KCNC3: variants seen among roughly 807,000 people sequenced by gnomAD.
The protein encoded by KCNC3 is voltage-gated potassium channel KCNC3.
In KCNC3, 22 loss-of-function variants were observed where a neutral mutation model predicts 43.9. The observed-to-expected ratio is 0.50, with a 90% CI of 0.36 to 0.72. The LOEUF is 0.72. Among genes scored for constraint, KCNC3 ranks in the 30% least tolerant of loss-of-function variants. KCNC3 has a pLI of 0.00. For synonymous variants in KCNC3, 492 were observed against 488.0 expected, an observed-to-expected ratio of 1.01 and a Z score of -0.11; for missense variants, 829 against 1,073.8, an observed-to-expected ratio of 0.77 and a Z score of 3.19.
intron 2 of KCNC3, among the ~76,000 whole-genome samples, chr19:50,322,022 C>T (rs1405715682): frequency 1.3e-5 from 2 of 151,856 alleles, no homozygotes; most frequent in Non-Finnish European, 2.9e-5. Context: ...GGAGGTGGGA[C>T]GTGGGGGTCC....
chr19:50,326,924 G>GT lies in KCNC3; in HGVS notation c.870+1288_870+1289insA, dbSNP rs925716152. Among the ~76,000 whole-genome samples, 160 of 146,892 alleles carry GT rather than the reference G, an allele frequency of 1.1e-3. 2 individuals are homozygous for GT. Among genetic ancestry groups the GT allele is most frequent in the African/African-American group, 3.6e-3 (133 of 36,998 alleles). On this transcript the variant is annotated intron_variant, in intron 1 of 4. Transcript: ENST00000477616. ...GCTAGGTTCTGGGTTTTGCACGGCG[G>GT]GGGGGGAGGTTCGAGAAAGGAAGAG...
At chr19:50,322,029 G>T (rs2037040717) in intron 2 of KCNC3, among the ~76,000 whole-genome samples, 1 of 152,004 alleles carries the variant, frequency 6.6e-6, no homozygotes, top group African/African-American at 2.4e-5. Context: ...GGACGTGGGG[G>T]TCCCCTAGGC....
In KCNC3 at chr19:50,328,431, C is replaced by G. The variant is rs977873360; in HGVS notation, c.652G>C (p.Gly218Arg). 2 of 1,548,488 alleles carry G rather than the reference C, an allele frequency of 1.3e-6. No individual in the cohort carries two copies. Among genetic ancestry groups the G allele is most frequent in the Non-Finnish European group, 1.7e-6 (2 of 1,150,862 alleles). The change falls in exon 1 of 5, where the codon GGC becomes CGC. Residue 218 changes from glycine to arginine, a missense_variant. This residue lies in a region of KCNC3 where 121 missense variants were observed against 247.4 expected (regional missense o/e 0.49). Transcript: ENST00000477616. ...TCGTCCAGGCCTCCGTCGTGGGCGC[C>G]TGCGGCGTTGGCGGCGTTGGCGGCG... ...AGAANAANAAGAHDGGLDDEA... is the reference protein window; with the variant it reads ...AGAANAANAARAHDGGLDDEA...
chr19:50,317,687 C>T (rs1024300802), intron 4 of KCNC3, among the ~76,000 whole-genome samples: 4 of 152,150 alleles, frequency 2.6e-5, no homozygotes, highest in African/African-American at 9.7e-5. Context: ...TCATCCTCCA[C>T]CCCCTCCCCC....
chr19:50,320,490 G>T, intron 3 of KCNC3, 103 bp downstream of exon 3: 1 of 1,114,270 alleles, frequency 9.0e-7, no homozygotes, highest in Non-Finnish European at 1.3e-6. Flanking sequence ...AGGGAAGGGG[G>T]AAGGGAAGTC....
rs868802027 is a variant in KCNC3 at position 50,320,194 on chromosome 19, C to T, written c.*23+29G>A. 3.1e-5 allele frequency: 7 copies of T among 226,314 alleles called. No homozygotes were observed. The South Asian group carries it at 3.3e-4, about 11-fold the overall frequency. The allele number at this position is 226,314 out of a possible 1,614,324, so 14.0% of individuals were successfully genotyped here. On this transcript the variant is annotated intron_variant, in intron 4 of 4. Transcript: ENST00000477616. ...GGCAGGAGTGGGGAGTCTGGGGGTC[C>T]GGGGGATCAGAGGGTGGGGGCTACT...
At position 50,313,555 on chromosome 19, in the gene KCNC3, GA is replaced by G. The variant is rs1490529184; in HGVS notation, c.*2559del. 6.6e-6 allele frequency: 1 copy of G among 152,220 alleles called. No homozygotes were observed. The highest frequency in any genetic ancestry group is 1.9e-4 in the East Asian group (1 of 5,192). 9.4% of individuals were successfully genotyped at this position (152,220 alleles called of 1,614,324 possible). The stretch of plus-strand genomic sequence containing the variant: ...ACCTTTGGGGCACCATCTCAGGGAA[GA>G]GACTCAGGGTTAGGCGTAAGACAAA... On this transcript the variant is annotated 3_prime_UTR_variant, in exon 5 of 5. Coordinates refer to ENST00000477616, the MANE Select transcript of KCNC3 (RefSeq NM_004977.3).
upstream of KCNC3, chr19:50,329,813 C>T (rs1014262900): frequency 2.6e-5 from 4 of 152,296 alleles, no homozygotes; most frequent in East Asian, 5.8e-4. Context: ...GGTGTTGAAA[C>T]TTGAGAGAGT....
Position 50,317,394 on chromosome 19 carries a change from GC to G in KCNC3, c.*24-1304del, listed in dbSNP as rs764009372. On this transcript the variant is annotated intron_variant, in intron 4 of 4. Transcript: ENST00000477616. ...GGTTTAGGTGAGGCCATTCCTGGAA[GC>G]CCCCCAGGTTCCCCTATGGCATCTC... 6.6e-5 allele frequency among the ~76,000 whole-genome samples: 10 copies of G among 152,166 alleles called. No homozygotes were observed. In the East Asian group the frequency reaches 1.9e-3, roughly 29 times the overall value.
At position 50,323,670 on chromosome 19, in the gene KCNC3, GTCAGCTTGAAGA is replaced by G; in HGVS notation, c.1271_1282del (p.Ile424_Leu427del). ...CACGCGCAGCCCCACGAAGTGCCGG[GTCAGCTTGAAGA>G]TGCGCAGGATGCGGACGAAGCGGAC... is the stretch of plus-strand genomic sequence containing the variant. On this transcript the variant is annotated inframe_deletion, in exon 2 of 5. Coordinates refer to ENST00000477616, the MANE Select transcript of KCNC3 (RefSeq NM_004977.3). 6.2e-7 allele frequency: 1 copy of G among 1,614,196 alleles called. No individual in the cohort carries two copies. The highest frequency in any genetic ancestry group is 8.5e-7 in the Non-Finnish European group (1 of 1,180,048).
rs1411060305 is a variant in KCNC3 at position 50,328,492 on chromosome 19, C to T, written c.591G>A (p.Glu197=). The change falls in exon 1 of 5, where the codon GAG becomes GAA. Residue 197 remains glutamate (E), a synonymous_variant. Coordinates refer to ENST00000477616, the MANE Select transcript of KCNC3 (RefSeq NM_004977.3). ...CGGGCGCCTCGAAGGAGTCGAGCGC[C>T]TCCTCAGCGTCGCGATGCTGCCGGT... The part of the protein sequence containing the change: ...MTYRQHRDAE[E]ALDSFEAPDP... 3 of 1,609,748 alleles carry T rather than the reference C, an allele frequency of 1.9e-6. No individual in the cohort carries two copies. In the African/African-American group the frequency reaches 4.0e-5, roughly 22 times the overall value.
chr19:50,313,825 G>C lies in KCNC3; in HGVS notation c.*2290C>G, dbSNP rs902768027. The C allele has an allele frequency of 3.3e-5, 5 of 151,824 alleles. No individual in the cohort carries two copies. The highest frequency in any genetic ancestry group is 7.3e-5 in the Non-Finnish European group (5 of 68,032). The allele number at this position is 151,824 out of a possible 1,614,324, so 9.4% of individuals were successfully genotyped here. On this transcript the variant is annotated 3_prime_UTR_variant, in exon 5 of 5. Transcript: ENST00000477616. ...GTCAAGTCTTGGAGGTTTGAGAAGT[G>C]CTGGGACGCAGTTCAGGGAATTTGG...
rs1183771137 is a variant in KCNC3, at chr19:50,315,815, G to A, written c.*300C>T. ...CTCTCACAGGCATCTCACAGCTAATGGGACTCAAGATCCAGCAACAGTGTG... is the reference window on the plus strand; with the variant it reads ...CTCTCACAGGCATCTCACAGCTAATAGGACTCAAGATCCAGCAACAGTGTG... On this transcript the variant is annotated 3_prime_UTR_variant, in exon 5 of 5. Transcript: ENST00000477616. The A allele has an allele frequency of 8.3e-6, 2 of 242,344 alleles. No individual in the cohort carries two copies. The highest frequency in any genetic ancestry group is 2.3e-5 in the African/African-American group (1 of 43,998). 15.0% of individuals were successfully genotyped at this position (242,344 alleles called of 1,614,324 possible).
At chr19:50,317,025 C>T (rs978744889) in intron 4 of KCNC3, among the ~76,000 whole-genome samples, 1 of 151,624 alleles carries the variant, frequency 6.6e-6, no homozygotes, top group Non-Finnish European at 1.5e-5. Context: ...CACCCCCACC[C>T]CAATCCTCCC....
At chr19:50,330,466 T>C (rs2037175016), upstream of KCNC3, among the ~76,000 whole-genome samples, 1 of 151,564 alleles carries the variant, frequency 6.6e-6, no homozygotes, top group Non-Finnish European at 1.5e-5. Context: ...GCTACTGGGC[T>C]GGATGGAGGG....
chr19:50,320,650 G>A lies in KCNC3; in HGVS notation c.2113C>T (p.Arg705Ter), dbSNP rs1408825410. The A allele has an allele frequency of 6.8e-6, 11 of 1,613,256 alleles. No individual in the cohort carries two copies. The highest frequency in any genetic ancestry group is 4.0e-5 in the African/African-American group (3 of 74,814). Reference protein sequence around the residue: ...PGSRGRYSRDRACFLLTDYAP... With the variant: ...PGSRGRYSRD ...TAGTCGGTGAGGAGGAAGCAGGCTC[G>A]GTCCCGGCTATAGCGGCCACGGCTT... is the stretch of plus-strand genomic sequence containing the variant. Residue 705 changes from arginine (R) to a stop codon, truncating the protein, a stop_gained, in exon 3 of 5, where the codon CGA (arginine) becomes TGA (stop). Transcript: ENST00000477616. LOFTEE classifies it high-confidence loss of function.
chr19:50,318,629 A>G (rs974215742), intron 4 of KCNC3, among the ~76,000 whole-genome samples: 13 of 152,142 alleles, frequency 8.5e-5, no homozygotes, highest in Admixed American at 8.5e-4. Flanking sequence ...TTGTGTTCCA[A>G]TAAAGCTTTG....
intron 4 of KCNC3, among the ~76,000 whole-genome samples, chr19:50,319,189 C>T (rs77682702): frequency 8.4e-4 from 127 of 151,662 alleles, no homozygotes; most frequent in East Asian, 8.3e-3. Context: ...CTGTCTTATC[C>T]CCCTCACTTC....
chr19:50,322,901 G>T, intron 2 of KCNC3, 74 bp downstream of exon 2: 1 of 1,474,318 alleles, frequency 6.8e-7, no homozygotes, highest in Non-Finnish European at 9.1e-7. Context: ...CAGGTTCTCT[G>T]AACCCCGGCA....
Sources: gnomAD v4.1 joint callset for allele counts (sites outside exome capture counted in the v4.1 genomes callset) on GRCh38, gnomAD v4.1.1 for gene constraint, gnomAD v4.1.1 regional missense constraint, MANE v1.5 for transcripts, NCBI Gene and HGNC (gene_info 2026-07-23, HGNC 2026-07-21) for gene names.